The following C8orf89 variants were observed in gnomAD, a reference collection of about 807,000 sequenced individuals.
C8orf89 encodes the protein chromosome 8 open reading frame 89.
A neutral mutation model predicts 15.8 loss-of-function variants in C8orf89; 14 were observed. That is an observed-to-expected ratio of 0.89 (90% CI 0.59 to 1.39). The LOEUF (loss-of-function observed/expected upper bound fraction) is 1.39. Ranked by LOEUF, C8orf89 falls within the 40% of genes most tolerant of loss-of-function variation. C8orf89 has a pLI of 0.00. For synonymous variants in C8orf89, 55 were observed against 62.2 expected, an observed-to-expected ratio of 0.88 and a Z score of 0.54; for missense variants, 181 against 184.5, an observed-to-expected ratio of 0.98 and a Z score of 0.11.
the C8orf89 span, chr8:73,277,702 T>C: frequency 1.3e-6 from 1 of 751,772 alleles, no homozygotes; most frequent in Non-Finnish European, 2.5e-6. Flanking sequence ...CCTGATGTGC[T>C]CCTTTACCAC....
chr8:73,270,765 T>C, the C8orf89 span, among the ~76,000 whole-genome samples: 1 of 151,954 alleles, frequency 6.6e-6, no homozygotes, highest in Non-Finnish European at 1.5e-5. Context: ...ACAAATAAAT[T>C]AATAAATAAA....
At chr8:73,271,555 T>C in the C8orf89 span, among the ~76,000 whole-genome samples, 22 of 152,212 alleles carry the variant, frequency 1.4e-4, no homozygotes, top group Non-Finnish European at 2.5e-4. Flanking sequence ...GCCAACCAGA[T>C]GCCAGAGCCA....
upstream of C8orf89, among the ~76,000 whole-genome samples, chr8:73,261,730 C>T (rs1382187964): frequency 6.6e-6 from 1 of 152,144 alleles, no homozygotes; most frequent in Non-Finnish European, 1.5e-5. Flanking sequence ...TAAGGAGCTA[C>T]AGAGCACAGG....
intron 2 of C8orf89, among the ~76,000 whole-genome samples, chr8:73,252,191 AG>A (rs1169011726): frequency 1.3e-5 from 2 of 152,234 alleles, no homozygotes; most frequent in African/African-American, 4.8e-5. Context: ...TGATGACAAA[AG>A]CTATATGTAT....
At chr8:73,274,303 C>T in the C8orf89 span, among the ~76,000 whole-genome samples, 2 of 152,110 alleles carry the variant, frequency 1.3e-5, no homozygotes, top group South Asian at 2.1e-4. Context: ...AGGCACCCGC[C>T]ACCACGCCTG....
intron 3 of C8orf89, among the ~76,000 whole-genome samples, chr8:73,247,154 G>A (rs774702453): frequency 1.2e-4 from 19 of 152,090 alleles, no homozygotes; most frequent in Non-Finnish European, 2.4e-4. Flanking sequence ...ACTAAGCCTA[G>A]TACCCATTAG....
At chr8:73,277,548 T>A in the C8orf89 span, 2 of 763,178 alleles carry the variant, frequency 2.6e-6, no homozygotes, top group East Asian at 4.9e-5. Flanking sequence ...CAGAGAAGCC[T>A]CCATTCCAGG....
chr8:73,248,525 T>C (rs1307914267), intron 3 of C8orf89, among the ~76,000 whole-genome samples: 1 of 152,052 alleles, frequency 6.6e-6, no homozygotes, highest in African/African-American at 2.4e-5. Context: ...ATAAATTGCT[T>C]TGGGTAGTAT....
At chr8:73,244,430 A>T (rs1050808505) in intron 3 of C8orf89, among the ~76,000 whole-genome samples, 3 of 152,214 alleles carry the variant, frequency 2.0e-5, no homozygotes, top group African/African-American at 4.8e-5. Context: ...ATCACTACGT[A>T]TTACCCCTAA....
At chr8:73,280,198 T>C in the C8orf89 span, among the ~76,000 whole-genome samples, 8 of 152,334 alleles carry the variant, frequency 5.3e-5, no homozygotes, top group Non-Finnish European at 7.4e-5. Context: ...TTCAGGCACC[T>C]GGGGATTTCC....
the C8orf89 span, among the ~76,000 whole-genome samples, chr8:73,272,192 A>C: frequency 2.0e-5 from 3 of 152,118 alleles, no homozygotes; most frequent in Non-Finnish European, 4.4e-5. Flanking sequence ...ATTAATTCCT[A>C]ATGAGAGAAG....
chr8:73,241,672 A>G lies in C8orf89; in HGVS notation c.338-67T>C. Reference sequence around the variant, plus strand: ...GCACACATGAATAATATTCTATTAAATATAATGTGACTGAAATATTTCTTC... The same window carrying G: ...GCACACATGAATAATATTCTATTAAGTATAATGTGACTGAAATATTTCTTC... On this transcript the variant is annotated intron_variant, in intron 3 of 3. Transcript: ENST00000624510. The G allele has an allele frequency of 3.3e-6, 4 of 1,221,264 alleles. No homozygotes were observed. The East Asian group carries it at 7.7e-5, about 24-fold the overall frequency. 75.7% of individuals were successfully genotyped at this position (1,221,264 alleles called of 1,614,324 possible). A position where few individuals can be genotyped will look rare whatever the true frequency, so the allele number is the denominator to read the frequency against.
At chr8:73,250,530 T>G (rs1342591573) in intron 2 of C8orf89, among the ~76,000 whole-genome samples, 1 of 152,188 alleles carries the variant, frequency 6.6e-6, no homozygotes, top group Admixed American at 6.5e-5. Flanking sequence ...TAGGTCTAAC[T>G]TCTCCCACAG....
chr8:73,260,784 C>T (rs959836220), upstream of C8orf89, among the ~76,000 whole-genome samples: 1 of 152,066 alleles, frequency 6.6e-6, no homozygotes, highest in Non-Finnish European at 1.5e-5. Flanking sequence ...GATTGAAGGA[C>T]GCAAAGTACT....
the C8orf89 span, among the ~76,000 whole-genome samples, chr8:73,276,563 A>T: frequency 6.6e-6 from 1 of 152,132 alleles, no homozygotes. Flanking sequence ...AGACAATGAA[A>T]CAAGACATTT....
At chr8:73,244,620 G>A (rs1813080063) in intron 3 of C8orf89, among the ~76,000 whole-genome samples, 2 of 152,040 alleles carry the variant, frequency 1.3e-5, no homozygotes, top group Middle Eastern at 3.4e-3. Flanking sequence ...CAATTCTCCA[G>A]TGTAGTTGTT....
At chr8:73,284,256 C>CA in the C8orf89 span, among the ~76,000 whole-genome samples, 1 of 123,488 alleles carries the variant, frequency 8.1e-6, no homozygotes, top group East Asian at 2.7e-4. Flanking sequence ...CTCTGTCACT[C>CA]AGGCTGGTGT....
In C8orf89 at chr8:73,241,539, G is replaced by A. The variant is rs1404175740; in HGVS notation, c.404C>T (p.Ala135Val). 3 of 1,533,038 alleles carry A rather than the reference G, an allele frequency of 2.0e-6. No homozygotes were observed. The highest frequency in any genetic ancestry group is 2.4e-5 in the South Asian group (2 of 83,582). The allele number at this position is 1,533,038 out of a possible 1,614,324, so 95.0% of individuals were successfully genotyped here. Residue 135 changes from alanine (A) to valine (V), a missense_variant, in exon 4 of 4, where the codon GCC becomes GTC. Physicochemically the swap from Ala to Val is moderately conservative, Grantham distance 64. Transcript: ENST00000624510. Reference sequence around the variant, plus strand: ...ACGAATGGTATCATATTCCAATATGGCTATTTTGGAAAGTCTCTCTAAGTA... The same window carrying A: ...ACGAATGGTATCATATTCCAATATGACTATTTTGGAAAGTCTCTCTAAGTA... ...SQYLERLSKIAILEYDTIRQE... is the reference protein window; with the variant it reads ...SQYLERLSKIVILEYDTIRQE...
At chr8:73,253,519 C>T (rs1018457349) in intron 2 of C8orf89, among the ~76,000 whole-genome samples, 1 of 151,656 alleles carries the variant, frequency 6.6e-6, no homozygotes, top group African/African-American at 2.4e-5. Flanking sequence ...CTATAAATTA[C>T]CTTGGGCAGT....
Sources: allele counts gnomAD v4.1 joint callset (sites outside exome capture counted in the v4.1 genomes callset), GRCh38; gene constraint gnomAD v4.1.1; transcripts MANE v1.5; gene names NCBI Gene and HGNC (gene_info 2026-07-23, HGNC 2026-07-21).